Variants in MATN2 observed in about 807,000 individuals in gnomAD.
The protein encoded by MATN2 is matrilin 2.
MATN2 carries 69 observed loss-of-function variants against 103.2 expected under a neutral mutation model. The observed-to-expected ratio is 0.67, with a 90% CI of 0.55 to 0.82. The LOEUF (loss-of-function observed/expected upper bound fraction) is 0.82, where lower values mean the gene tolerates loss of function less well. Among genes scored for constraint, MATN2 ranks in the 40% least tolerant of loss-of-function variants. The pLI is 0.00. For synonymous variants in MATN2, 429 were observed against 450.2 expected (o/e 0.95, Z 0.60); for missense variants, 1,023 against 1,211.5 (o/e 0.84, Z 2.31).
chr8:98,006,611 T>G (rs1812978904), intron 8 of MATN2, among the ~76,000 whole-genome samples: 2 of 152,228 alleles, frequency 1.3e-5, no homozygotes, highest in African/African-American at 4.8e-5. Flanking sequence ...GCTTTGATCT[T>G]GACCTTCCTG....
In MATN2 at chr8:97,929,844, T is replaced by C. The variant is rs1810119566; in HGVS notation, c.143-1109T>C. Reference sequence around the variant, plus strand: ...CAGACTCTGTTGACTTTTCATTATGTAACTTCCCTATGGGAGAGGTGAGTT... The same window carrying C: ...CAGACTCTGTTGACTTTTCATTATGCAACTTCCCTATGGGAGAGGTGAGTT... On this transcript the variant is annotated intron_variant, in intron 2 of 18. Transcript: ENST00000254898. 4.6e-5 allele frequency among the ~76,000 whole-genome samples: 7 copies of C among 152,234 alleles called. No homozygotes were observed. The East Asian group carries it at 1.2e-3, about 25-fold the overall frequency.
chr8:97,870,581 A>G (rs1476378405), intron 1 of MATN2, among the ~76,000 whole-genome samples: 3 of 152,146 alleles, frequency 2.0e-5, no homozygotes, highest in African/African-American at 7.2e-5. Context: ...GCATTCTAAG[A>G]TTAGGTGAGT....
chr8:97,919,771 G>T (rs899201477), intron 2 of MATN2, among the ~76,000 whole-genome samples: 3 of 152,182 alleles, frequency 2.0e-5, no homozygotes, highest in African/African-American at 7.2e-5. Context: ...CACTAGGCCG[G>T]GTACTAGGGA....
rs375792756 is a variant in MATN2 at position 98,030,487 on chromosome 8, A to G, written c.2382A>G (p.Val794=). 4.3e-6 allele frequency: 7 copies of G among 1,613,658 alleles called. No individual in the cohort carries two copies. The African/African-American group carries it at 9.3e-5, about 22-fold the overall frequency. The change falls in exon 15 of 19, where the codon GTA becomes GTG. Residue 794 remains valine (V), a synonymous_variant. Coordinates refer to ENST00000254898, the MANE Select transcript of MATN2 (RefSeq NM_002380.5). ...GTATCACTATGTATGCTGTTGGGGTAGGAAAAGCCATTGAGGAGGAACTAC... is the reference window on the plus strand; with the variant it reads ...GTATCACTATGTATGCTGTTGGGGTGGGAAAAGCCATTGAGGAGGAACTAC... ...ANGITMYAVG[V]GKAIEEELQE...
intron 10 of MATN2, among the ~76,000 whole-genome samples, chr8:98,012,139 A>G (rs1813189569): frequency 6.6e-6 from 1 of 152,122 alleles, no homozygotes; most frequent in Admixed American, 6.5e-5. Context: ...CTGGGTTTGA[A>G]TCTAGGTACT....
At chr8:97,878,621 G>T (rs1224309637) in intron 1 of MATN2, among the ~76,000 whole-genome samples, 1 of 151,976 alleles carries the variant, frequency 6.6e-6, no homozygotes, top group Non-Finnish European at 1.5e-5. Flanking sequence ...AGAGCAAGGC[G>T]GGGGAATCAC....
chr8:97,909,809 A>G lies in MATN2; in HGVS notation c.143-21144A>G, dbSNP rs1412872373. ...CACTTTTTTTTTTTTTTTGAGACGG[A>G]GTCTCGCTCTGTCGCCCCGGCTGGA... On this transcript the variant is annotated intron_variant, in intron 2 of 18. Transcript: ENST00000254898. Among the ~76,000 whole-genome samples the G allele has an allele frequency of 2.6e-4, 39 of 149,290 alleles. 1 individual carries two copies. The highest frequency in any genetic ancestry group is 1.0e-4 in the Non-Finnish European group (7 of 67,468).
Position 98,033,656 on chromosome 8 carries a change from C to A in MATN2, c.2812C>A (p.Arg938Ser). 6.3e-7 allele frequency: 1 copy of A among 1,584,306 alleles called. No individual in the cohort carries two copies. Among genetic ancestry groups the A allele is most frequent in the Non-Finnish European group, 8.6e-7 (1 of 1,158,658 alleles). Residue 938 changes from arginine (R) to serine (S), a missense_variant, in exon 18 of 19, where the codon CGC becomes AGC. Arg to Ser is a moderately radical substitution (Grantham distance 110, BLOSUM62 -1). Coordinates refer to ENST00000254898, the MANE Select transcript of MATN2 (RefSeq NM_002380.5). ...ANEEVRKLTQRLEEMTQRMEA... is the reference protein window; with the variant it reads ...ANEEVRKLTQSLEEMTQRMEA... ...CGAAGAAGTAAGAAAATTAACACAGCGCTATATCCTTTTCTTGCATTATGC... is the reference window on the plus strand; with the variant it reads ...CGAAGAAGTAAGAAAATTAACACAGAGCTATATCCTTTTCTTGCATTATGC...
chr8:97,941,328 C>T (rs1414234674), intron 3 of MATN2, among the ~76,000 whole-genome samples: 1 of 152,062 alleles, frequency 6.6e-6, no homozygotes, highest in South Asian at 2.1e-4. Context: ...ACTCTTGAAA[C>T]ATGATTTTGA....
rs60086528 is a variant in MATN2, at chr8:97,988,219, C to CATATATATATAT, written c.1082-6255_1082-6244dup. On this transcript the variant is annotated intron_variant, in intron 6 of 18. Coordinates refer to ENST00000254898, the MANE Select transcript of MATN2 (RefSeq NM_002380.5). ...ACACACACATATGTATACACACATA[C>CATATATATATAT]ATATATATATATATATACAGAAAAA... Among the ~76,000 whole-genome samples, 143 of 124,284 alleles carry CATATATATATAT rather than the reference C, an allele frequency of 1.2e-3. 1 individual carries two copies. The highest frequency in any genetic ancestry group is 2.0e-3 in the African/African-American group (61 of 31,012). The allele number at this position is 124,284 out of a possible 152,430, so 81.5% of individuals were successfully genotyped here.
intron 8 of MATN2, among the ~76,000 whole-genome samples, chr8:98,006,561 C>T (rs1812977898): frequency 6.6e-6 from 1 of 152,182 alleles, no homozygotes; most frequent in Non-Finnish European, 1.5e-5. Context: ...TAGTTTGATG[C>T]CAGAACCTGC....
intron 6 of MATN2, among the ~76,000 whole-genome samples, chr8:97,991,273 C>T (rs1433765277): frequency 6.6e-6 from 1 of 152,160 alleles, no homozygotes; most frequent in East Asian, 1.9e-4. Flanking sequence ...TAGAGACAGG[C>T]TCTTGCTTTG....
At chr8:97,990,107 A>G (rs1812341588) in intron 6 of MATN2, among the ~76,000 whole-genome samples, 1 of 142,958 alleles carries the variant, frequency 7.0e-6, no homozygotes, top group African/African-American at 2.7e-5. Flanking sequence ...GCTTGAACCC[A>G]GGAGGCAGAG....
chr8:97,947,092 C>T (rs144356053), intron 4 of MATN2, among the ~76,000 whole-genome samples: 19 of 152,238 alleles, frequency 1.2e-4, no homozygotes, highest in African/African-American at 3.1e-4. Flanking sequence ...ATCATAGTGG[C>T]GAGGTGTGGT....
chr8:97,883,300 A>G (rs1310582216), intron 1 of MATN2, among the ~76,000 whole-genome samples: 1 of 151,590 alleles, frequency 6.6e-6, no homozygotes, highest in African/African-American at 2.4e-5. Flanking sequence ...AAAAAAAAAA[A>G]AAGTGTATAT....
chr8:97,880,063 C>T (rs967719507), intron 1 of MATN2, among the ~76,000 whole-genome samples: 2 of 147,550 alleles, frequency 1.4e-5, no homozygotes, highest in African/African-American at 2.5e-5. Context: ...AGGAATTTAT[C>T]GTTAGAAAAA....
rs936468388 is a variant in MATN2 at position 98,007,749 on chromosome 8, T to C, written c.1573+148T>C. On this transcript the variant is annotated intron_variant, in intron 10 of 18. Coordinates refer to ENST00000254898, the MANE Select transcript of MATN2 (RefSeq NM_002380.5). This position sits in a 1 kb window ranked among gnomAD's most constrained non-coding sequence, Gnocchi z 4.2. ...TGTGTGTGACAGCATCTCTTAGCCA[T>C]TAAGCCTTGGTGGCTGCTTCACCAA... 7.0e-6 allele frequency: 7 copies of C among 995,776 alleles called. No homozygotes were observed. The highest frequency in any genetic ancestry group is 6.4e-5 in the African/African-American group (4 of 62,352). The allele number at this position is 995,776 out of a possible 1,614,324, so 61.7% of individuals were successfully genotyped here.
chr8:98,011,659 A>G (rs1469553128), intron 10 of MATN2, among the ~76,000 whole-genome samples: 3 of 152,264 alleles, frequency 2.0e-5, no homozygotes, highest in Admixed American at 2.0e-4. Flanking sequence ...GCCAGGAAGC[A>G]GTGTAATTCT....
At chr8:98,019,357 T>C (rs2130424096) in intron 12 of MATN2, among the ~76,000 whole-genome samples, 1 of 152,306 alleles carries the variant, frequency 6.6e-6, no homozygotes, top group African/African-American at 2.4e-5. Context: ...GAGCTGATGC[T>C]GCAGCCCAAG....
Sources: gnomAD v4.1 joint callset for allele counts (sites outside exome capture counted in the v4.1 genomes callset) on GRCh38, gnomAD v4.1.1 for gene constraint, Gnocchi (gnomAD v3.1) non-coding constraint, MANE v1.5 for transcripts, NCBI Gene and HGNC (gene_info 2026-07-23, HGNC 2026-07-21) for gene names.